Variants in SRCAP observed in about 807,000 individuals in gnomAD.
The protein encoded by SRCAP is Snf2 related CREBBP activator protein.
In SRCAP, 46 loss-of-function variants were observed where a neutral mutation model predicts 263.1. The ratio of observed to expected loss-of-function variants is 0.17; its 90% CI spans 0.14 to 0.22. The LOEUF (loss-of-function observed/expected upper bound fraction) is 0.22. Among genes scored for constraint, SRCAP ranks in the 10% least tolerant of loss-of-function variants. The pLI is 1.00. For synonymous variants in SRCAP, 1,813 were observed against 1,662.1 expected, an observed-to-expected ratio of 1.09 and a Z score of -2.21; for missense variants, 3,695 against 4,181.9, an observed-to-expected ratio of 0.88 and a Z score of 3.21.
Position 30,736,363 on chromosome 16 carries a change from C to T in SRCAP, c.6893C>T (p.Ala2298Val), listed in dbSNP as rs1410678917. 1.9e-6 allele frequency: 3 copies of T among 1,613,432 alleles called. No homozygotes were observed. Among genetic ancestry groups the T allele is most frequent in the Non-Finnish European group, 2.5e-6 (3 of 1,179,680 alleles). The change falls in exon 32 of 34, where the codon GCT becomes GTT. Residue 2298 changes from alanine (A) to valine (V), a missense_variant. Coordinates refer to ENST00000262518, the MANE Select transcript of SRCAP (RefSeq NM_006662.3). The part of the protein sequence containing the change: ...PGAEDEEMSR[A>V]EQEIAALVEQ... ...GCTGAGGATGAGGAGATGTCCCGGG[C>T]TGAGCAGGAAATTGCTGCCCTCGTA...
chr16:30,703,949 GT>G, intron 3 of SRCAP, 114 bp from the exon 4 acceptor site: 1 of 1,281,330 alleles, frequency 7.8e-7, no homozygotes, highest in Non-Finnish European at 1.1e-6. Context: ...TGAAAATAAG[GT>G]TTATACCTTA....
In SRCAP at chr16:30,716,289, C is replaced by T; in HGVS notation, c.2631-4C>T. ...CGTCTCATTTATTTTTCCTCTTTCC[C>T]CAGAACTAAGGAGACACTAGCCACA... On this transcript the variant is annotated splice_polypyrimidine_tract_variant and splice_region_variant and intron_variant, in intron 17 of 33. Transcript: ENST00000262518. 1 of 1,613,806 alleles carries T rather than the reference C, an allele frequency of 6.2e-7. No homozygotes were observed. Among genetic ancestry groups the T allele is most frequent in the Non-Finnish European group, 8.5e-7 (1 of 1,179,780 alleles).
rs1159350934 is a variant in SRCAP, at chr16:30,740,083, T to C, written c.*350T>C. On this transcript the variant is annotated 3_prime_UTR_variant, in exon 34 of 34. Transcript: ENST00000262518. The stretch of plus-strand genomic sequence containing the variant: ...TACAATGAGGTTTTTTTCTTTTTTT[T>C]TTTTTTTTAAGAAGAAAAAATAATA... 1 of 183,558 alleles carries C rather than the reference T, an allele frequency of 5.4e-6. No homozygotes were observed. Among genetic ancestry groups the C allele is most frequent in the African/African-American group, 2.3e-5 (1 of 42,684 alleles). The allele number at this position is 183,558 out of a possible 1,614,324, so 11.4% of individuals were successfully genotyped here.
chr16:30,733,971 T>C lies in SRCAP; in HGVS notation c.6572T>C (p.Ile2191Thr). Reference sequence around the variant, plus strand: ...AAGAGAATGTTGGGGGACATGGCCATTGAGGGAGGCAACTTCACCACAGCC... The same window carrying C: ...AAGAGAATGTTGGGGGACATGGCCACTGAGGGAGGCAACTTCACCACAGCC... Reference protein sequence around the residue: ...NQKRMLGDMAIEGGNFTTAYF... With the variant: ...NQKRMLGDMATEGGNFTTAYF... The change falls in exon 30 of 34, where the codon ATT becomes ACT. Residue 2191 changes from isoleucine (I) to threonine (T), a missense_variant. By Grantham distance (89) the Ile-to-Thr change is moderately conservative (BLOSUM62 -1). Transcript: ENST00000262518. This position sits in a 1 kb window ranked among gnomAD's most constrained non-coding sequence, Gnocchi z 5.3. The C allele has an allele frequency of 6.2e-7, 1 of 1,612,824 alleles. No homozygotes were observed. Among genetic ancestry groups the C allele is most frequent in the Non-Finnish European group, 8.5e-7 (1 of 1,179,378 alleles).
At chr16:30,719,210 TTA>T in intron 18 of SRCAP, among the ~76,000 whole-genome samples, 1 of 50,464 alleles carries the variant, frequency 2.0e-5, no homozygotes, top group Non-Finnish European at 4.1e-5. Flanking sequence ...ATTTATTTAT[TTA>T]TTTATTTTTA....
intron 8 of SRCAP, 44 bp from the exon 9 acceptor site, chr16:30,710,710 A>T: frequency 1.9e-6 from 3 of 1,595,434 alleles, no homozygotes; most frequent in Non-Finnish European, 8.6e-7. Flanking sequence ...TTCTTCTGCT[A>T]CTGTAACCTT....
chr16:30,710,137 A>G lies in SRCAP; in HGVS notation c.1134+9A>G. 1 of 1,610,836 alleles carries G rather than the reference A, an allele frequency of 6.2e-7. No homozygotes were observed. Among genetic ancestry groups the G allele is most frequent in the Non-Finnish European group, 8.5e-7 (1 of 1,177,732 alleles). ...CCCCTCAGGTGTTGGAGGTATAGGCAGAAGGAGCAGAGGGAGGGTTCAGAG... is the reference window on the plus strand; with the variant it reads ...CCCCTCAGGTGTTGGAGGTATAGGCGGAAGGAGCAGAGGGAGGGTTCAGAG... On this transcript the variant is annotated intron_variant, in intron 8 of 33. Transcript: ENST00000262518.
At chr16:30,709,448 A>G (rs566011412) in intron 6 of SRCAP, 65 bp from the exon 7 acceptor site, 35 of 1,573,290 alleles carry the variant, frequency 2.2e-5, no homozygotes, top group Admixed American at 5.1e-5. Context: ...CTCCCTAAAC[A>G]TCGGGTAAAA....
At chr16:30,723,504 G>C (rs1432549788) in intron 24 of SRCAP, 80 bp from the exon 25 acceptor site, 4 of 1,525,592 alleles carry the variant, frequency 2.6e-6, no homozygotes, top group African/African-American at 1.4e-5. Flanking sequence ...GGGAAGCTTG[G>C]GGGTATGGGA....
chr16:30,712,970 A>G (rs755244338), intron 14 of SRCAP, among the ~76,000 whole-genome samples, 155 bp downstream of exon 14: 20 of 152,076 alleles, frequency 1.3e-4, no homozygotes, highest in Admixed American at 3.3e-4. Context: ...ATGTTACCCA[A>G]GCTGACCTTG....
rs1388019270 is a variant in SRCAP at position 30,724,997 on chromosome 16, C to T, written c.5573C>T (p.Pro1858Leu). 1 of 1,614,048 alleles carries T rather than the reference C, an allele frequency of 6.2e-7. No individual in the cohort carries two copies. The change falls in exon 25 of 34, where the codon CCC becomes CTC. Residue 1858 changes from proline (P) to leucine (L), a missense_variant. This residue lies in a region of SRCAP where 1,347 missense variants were observed against 1,304.4 expected (regional missense o/e 1.03). Transcript: ENST00000262518. ...ACACTGACATTGCGCTCTGGTCCCC[C>T]CAGCCCTCCCTCCACTGCTACCTCG... ...PDTLTLRSGP[P>L]SPPSTATSFG...
chr16:30,710,952 G>A, intron 9 of SRCAP, 47 bp from the exon 10 acceptor site: 1 of 1,594,754 alleles, frequency 6.3e-7, no homozygotes, highest in Non-Finnish European at 8.6e-7. Context: ...TGTGTCCTGT[G>A]CCTCTAGCCT....
In SRCAP at chr16:30,737,432, C is replaced by G. The variant is rs374697927; in HGVS notation, c.7392C>G (p.Ala2464=). 31 of 1,598,768 alleles carry G rather than the reference C, an allele frequency of 1.9e-5. No individual in the cohort carries two copies. The South Asian group carries it at 3.3e-4, about 17-fold the overall frequency. The change falls in exon 34 of 34, where the codon GCC becomes GCG. Residue 2464 remains alanine (A), a synonymous_variant. Transcript: ENST00000262518. ...CCCTTGTTCCTGTCCCAGTTTCTGC[C>G]CCAGTACCCATTTCAGCCCCAAATC... ...IPALVPVPVS[A]PVPISAPNPI...
At chr16:30,734,678 T>G in intron 31 of SRCAP, 63 bp downstream of exon 31, 1 of 1,608,982 alleles carries the variant, frequency 6.2e-7, no homozygotes, top group Non-Finnish European at 8.5e-7. Context: ...TTGTCTTTTG[T>G]TAGTCTGTTG....
chr16:30,722,990 G>A lies in SRCAP; in HGVS notation c.3920G>A (p.Gly1307Asp). The change falls in exon 24 of 34, where the codon GGC becomes GAC. Residue 1307 changes from glycine (G) to aspartate (D), a missense_variant. Physicochemically the swap from Gly to Asp is moderately conservative, Grantham distance 94. Coordinates refer to ENST00000262518, the MANE Select transcript of SRCAP (RefSeq NM_006662.3). Reference sequence around the variant, plus strand: ...CCACCAACCATGGTGAATAATACAGGCGTGGTGAAGATTGTAGTGAGACAA... The same window carrying A: ...CCACCAACCATGGTGAATAATACAGACGTGGTGAAGATTGTAGTGAGACAA... ...QVPPTMVNNT[G>D]VVKIVVRQAP... 1 of 1,613,368 alleles carries A rather than the reference G, an allele frequency of 6.2e-7. No individual in the cohort carries two copies. Among genetic ancestry groups the A allele is most frequent in the African/African-American group, 1.3e-5 (1 of 74,988 alleles).
chr16:30,711,048 G>A lies in SRCAP; in HGVS notation c.1278G>A (p.Glu426=), dbSNP rs780939002. Reference sequence around the variant, plus strand: ...CAGCTGAGGAACAGTTGGAAGGGGAGGTGGATCATGCCATGGAGCTGAGCG... The same window carrying A: ...CAGCTGAGGAACAGTTGGAAGGGGAAGTGGATCATGCCATGGAGCTGAGCG... ...TIAAEEQLEG[E]VDHAMELSEL... Residue 426 remains glutamate (E), a synonymous_variant, in exon 10 of 34, where the codon GAG becomes GAA. Transcript: ENST00000262518. The A allele has an allele frequency of 8.0e-5, 129 of 1,613,976 alleles. 2 individuals are homozygous for A. In the South Asian group the frequency reaches 1.4e-3, roughly 17 times the overall value.
At chr16:30,729,644 G>A in intron 27 of SRCAP, 72 bp downstream of exon 27, 1 of 1,560,316 alleles carries the variant, frequency 6.4e-7, no homozygotes, top group Non-Finnish European at 8.8e-7. Flanking sequence ...TGTATCAGAG[G>A]GATGCTGCAC....
Position 30,724,228 on chromosome 16 carries a change from C to G in SRCAP, c.4804C>G (p.Pro1602Ala). Residue 1602 changes from proline (P) to alanine (A), a missense_variant, in exon 25 of 34, where the codon CCA becomes GCA. Physicochemically the swap from Pro to Ala is conservative, Grantham distance 27. Transcript: ENST00000262518. ...APQTAILAPSPAPPLAPLPVL... is the reference protein window; with the variant it reads ...APQTAILAPSAAPPLAPLPVL... ...ACAGACAGCAATTCTGGCTCCTTCT[C>G]CAGCTCCTCCTCTGGCTCCTCTTCC... 6.2e-7 allele frequency: 1 copy of G among 1,614,066 alleles called. No individual in the cohort carries two copies.
Position 30,704,253 on chromosome 16 carries a change from C to T in SRCAP, c.244C>T (p.Leu82=). The T allele has an allele frequency of 1.2e-6, 2 of 1,614,140 alleles. No homozygotes were observed. Among genetic ancestry groups the T allele is most frequent in the Non-Finnish European group, 1.7e-6 (2 of 1,179,986 alleles). Residue 82 remains leucine, a synonymous_variant, in exon 4 of 34, where the codon CTG becomes TTG. Transcript: ENST00000262518. ...EGFSLSQAAD[L]ANKGPKWEKS... is the part of the protein sequence containing the mutation. ...GTTCAGCTTATCCCAGGCTGCTGACCTGGCTAACAAGGGCCCGAAGTGGGA... is the reference window on the plus strand; with the variant it reads ...GTTCAGCTTATCCCAGGCTGCTGACTTGGCTAACAAGGGCCCGAAGTGGGA...
Sources: gnomAD v4.1 joint callset for allele counts (sites outside exome capture counted in the v4.1 genomes callset) on GRCh38, gnomAD v4.1.1 for gene constraint, gnomAD v4.1.1 regional missense constraint, Gnocchi (gnomAD v3.1) non-coding constraint, MANE v1.5 for transcripts, NCBI Gene and HGNC (gene_info 2026-07-23, HGNC 2026-07-21) for gene names.